The following RFTN1 variants were observed in gnomAD, a reference collection of about 807,000 sequenced individuals.
RFTN1 encodes the protein raftlin.
Under a neutral mutation model 46.5 loss-of-function variants are expected in RFTN1, and 26 were observed. The observed-to-expected ratio is 0.56, with a 90% CI of 0.41 to 0.78. The LOEUF (loss-of-function observed/expected upper bound fraction) is 0.78. Among genes scored for constraint, RFTN1 ranks in the 30% least tolerant of loss-of-function variants. RFTN1 has a pLI of 0.00. For missense variants in RFTN1, 693 were observed against 718.7 expected, an observed-to-expected ratio of 0.96 and a Z score of 0.41; for synonymous variants, 261 against 284.2, an observed-to-expected ratio of 0.92 and a Z score of 0.82.
At chr3:16,453,863 A>G (rs2075860075) in intron 2 of RFTN1, among the ~76,000 whole-genome samples, 1 of 152,272 alleles carries the variant, frequency 6.6e-6, no homozygotes. Flanking sequence ...AGTGTTATTC[A>G]AAGACATTTA....
In RFTN1 at chr3:16,353,422, G is replaced by C. The variant is rs2072224721; in HGVS notation, c.1146+4510C>G. 6.6e-6 allele frequency among the ~76,000 whole-genome samples: 1 copy of C among 152,208 alleles called. No homozygotes were observed. The highest frequency in any genetic ancestry group is 2.1e-4 in the South Asian group (1 of 4,836). The stretch of plus-strand genomic sequence containing the variant: ...GGGAACCTGTCCCGGACTGGACATT[G>C]CTGGGCTGTGCTGGTTACAGAGCTG... On this transcript the variant is annotated intron_variant, in intron 7 of 9. Transcript: ENST00000334133. The surrounding 1 kb of genome is among the most constrained non-coding windows in gnomAD (Gnocchi z 5.4).
intron 4 of RFTN1, among the ~76,000 whole-genome samples, chr3:16,378,885 C>T (rs1256832135): frequency 6.6e-6 from 1 of 152,194 alleles, no homozygotes. Flanking sequence ...TACCGAGGTA[C>T]TTGAACTTTC....
At position 16,475,056 on chromosome 3, in the gene RFTN1, G is replaced by C. The variant is rs541009285; in HGVS notation, c.145+18669C>G. Among the ~76,000 whole-genome samples, 15 of 152,298 alleles carry C rather than the reference G, an allele frequency of 9.8e-5. No homozygotes were observed. The South Asian group carries it at 3.1e-3, about 32-fold the overall frequency. Reference sequence around the variant, plus strand: ...GCTTGCTGTCCTCCTTCGAGGTAATGAGTGAGTTCACGTGAGAACTGGTTG... The same window carrying C: ...GCTTGCTGTCCTCCTTCGAGGTAATCAGTGAGTTCACGTGAGAACTGGTTG... On this transcript the variant is annotated intron_variant, in intron 2 of 9. Coordinates refer to ENST00000334133, the MANE Select transcript of RFTN1 (RefSeq NM_015150.2). This position sits in a 1 kb window ranked among gnomAD's most constrained non-coding sequence, Gnocchi z 4.2.
Position 16,474,468 on chromosome 3 carries a change from A to G in RFTN1, c.145+19257T>C, listed in dbSNP as rs1291511293. Reference sequence around the variant, plus strand: ...TTTGCCCTCCTCCCCCAAGATAAACAAAGGCTGACCATGAGAAAGATACCA... The same window carrying G: ...TTTGCCCTCCTCCCCCAAGATAAACGAAGGCTGACCATGAGAAAGATACCA... On this transcript the variant is annotated intron_variant, in intron 2 of 9. Transcript: ENST00000334133. The surrounding 1 kb of genome is among the most constrained non-coding windows in gnomAD (Gnocchi z 5.5). 6.6e-6 allele frequency among the ~76,000 whole-genome samples: 1 copy of G among 152,200 alleles called. No individual in the cohort carries two copies. Among genetic ancestry groups the G allele is most frequent in the African/African-American group, 2.4e-5 (1 of 41,452 alleles).
rs966856534 is a variant in RFTN1, at chr3:16,475,048, G to A, written c.145+18677C>T. 1.3e-5 allele frequency among the ~76,000 whole-genome samples: 2 copies of A among 152,166 alleles called. No individual in the cohort carries two copies. The highest frequency in any genetic ancestry group is 2.4e-5 in the African/African-American group (1 of 41,434). ...CACGAAAGGCTTGCTGTCCTCCTTCGAGGTAATGAGTGAGTTCACGTGAGA... is the reference window on the plus strand; with the variant it reads ...CACGAAAGGCTTGCTGTCCTCCTTCAAGGTAATGAGTGAGTTCACGTGAGA... On this transcript the variant is annotated intron_variant, in intron 2 of 9. Transcript: ENST00000334133. This position sits in a 1 kb window ranked among gnomAD's most constrained non-coding sequence, Gnocchi z 4.2.
Position 16,407,301 on chromosome 3 carries a change from G to A in RFTN1, c.441+2074C>T, listed in dbSNP as rs577875130. 2.5e-4 allele frequency among the ~76,000 whole-genome samples: 38 copies of A among 152,180 alleles called. No individual in the cohort carries two copies. In the South Asian group the frequency reaches 7.5e-3, roughly 30 times the overall value. On this transcript the variant is annotated intron_variant, in intron 4 of 9. Transcript: ENST00000334133. The surrounding 1 kb of genome is among the most constrained non-coding windows in gnomAD (Gnocchi z 4.0). Reference sequence around the variant, plus strand: ...GGGCTCAAGCAATTCTCTCGCCTCAGCCTCTAGAGTAGCTAGGACTATAGT... The same window carrying A: ...GGGCTCAAGCAATTCTCTCGCCTCAACCTCTAGAGTAGCTAGGACTATAGT...
intron 6 of RFTN1, among the ~76,000 whole-genome samples, chr3:16,363,789 GCTCT>G (rs75389216): frequency 0.039 from 5,942 of 152,036 alleles, 160 homozygotes; most frequent in Middle Eastern, 0.058. Context: ...GATCCTCTTG[GCTCT>G]CTGAGGGCGC....
In RFTN1 at chr3:16,402,491, G is replaced by C. The variant is rs1171573538; in HGVS notation, c.441+6884C>G. On this transcript the variant is annotated intron_variant, in intron 4 of 9. Coordinates refer to ENST00000334133, the MANE Select transcript of RFTN1 (RefSeq NM_015150.2). This position sits in a 1 kb window ranked among gnomAD's most constrained non-coding sequence, Gnocchi z 4.5. ...TCTCTTGGTTTGTGGGTGGGTTCTG[G>C]TGCAGCAAGCACAGGAGAGCCTTTT... Among the ~76,000 whole-genome samples the C allele has an allele frequency of 3.3e-5, 5 of 151,986 alleles. No homozygotes were observed. Among genetic ancestry groups the C allele is most frequent in the African/African-American group, 1.2e-4 (5 of 41,334 alleles).
intron 6 of RFTN1, among the ~76,000 whole-genome samples, chr3:16,359,048 A>AAAAAAAG (rs1559856824): frequency 6.7e-6 from 1 of 148,426 alleles, no homozygotes; most frequent in African/African-American, 2.5e-5. Context: ...AAAAAAAAAA[A>AAAAAAAG]AAAAGAAATA....
At chr3:16,437,410 G>T (rs2075536413) in intron 2 of RFTN1, among the ~76,000 whole-genome samples, 2 of 151,904 alleles carry the variant, frequency 1.3e-5, no homozygotes, top group African/African-American at 4.8e-5. Flanking sequence ...GGTTTGAAGG[G>T]CAATACCACC....
At chr3:16,492,841 T>TC (rs1233468594) in intron 2 of RFTN1, among the ~76,000 whole-genome samples, 1 of 151,968 alleles carries the variant, frequency 6.6e-6, no homozygotes, top group African/African-American at 2.4e-5. Flanking sequence ...GCTCACGACT[T>TC]CCCCCCCAAC....
At chr3:16,343,575 C>A (rs1334363283) in intron 7 of RFTN1, among the ~76,000 whole-genome samples, 2 of 152,188 alleles carry the variant, frequency 1.3e-5, no homozygotes, top group Non-Finnish European at 2.9e-5. Flanking sequence ...CATGGTGGAA[C>A]CTAAGACTCT....
rs1202448827 is a variant in RFTN1 at position 16,384,099 on chromosome 3, G to T, written c.442-5997C>A. Among the ~76,000 whole-genome samples, 1 of 152,230 alleles carries T rather than the reference G, an allele frequency of 6.6e-6. No homozygotes were observed. The highest frequency in any genetic ancestry group is 1.5e-5 in the Non-Finnish European group (1 of 68,044). On this transcript the variant is annotated intron_variant, in intron 4 of 9. Transcript: ENST00000334133. This position sits in a 1 kb window ranked among gnomAD's most constrained non-coding sequence, Gnocchi z 4.7. ...TGAAGGCTTTAAGAGCCAAGACTGA[G>T]ATTTCCCAAAGGAAAAAGAATTCTG...
chr3:16,433,826 A>AC lies in RFTN1; in HGVS notation c.332+24dup. 1 of 1,611,282 alleles carries AC rather than the reference A, an allele frequency of 6.2e-7. No homozygotes were observed. The highest frequency in any genetic ancestry group is 8.5e-7 in the Non-Finnish European group (1 of 1,177,596). ...CATAACTTAGCCGCAACAGGATGCTACCCATTCACCCGTGGAGGCCTTACC... is the reference window on the plus strand; with the variant it reads ...CATAACTTAGCCGCAACAGGATGCTACCCCATTCACCCGTGGAGGCCTTACC... On this transcript the variant is annotated intron_variant, in intron 3 of 9. Transcript: ENST00000334133. This position sits in a 1 kb window ranked among gnomAD's most constrained non-coding sequence, Gnocchi z 4.4.
In RFTN1 at chr3:16,451,671, T is replaced by A. The variant is rs551090695; in HGVS notation, c.146-17634A>T. Among the ~76,000 whole-genome samples, 7 of 151,382 alleles carry A rather than the reference T, an allele frequency of 4.6e-5. No homozygotes were observed. In the East Asian group the frequency reaches 1.2e-3, roughly 26 times the overall value. On this transcript the variant is annotated intron_variant, in intron 2 of 9. Coordinates refer to ENST00000334133, the MANE Select transcript of RFTN1 (RefSeq NM_015150.2). This position sits in a 1 kb window ranked among gnomAD's most constrained non-coding sequence, Gnocchi z 4.2. ...GCCTTTTTCATCTTCACTAAGCACA[T>A]GTCATGCACTGTGGCCATAACTTTT...
rs1351994709 is a variant in RFTN1 at position 16,443,239 on chromosome 3, T to C, written c.146-9202A>G. Among the ~76,000 whole-genome samples the C allele has an allele frequency of 6.6e-6, 1 of 152,240 alleles. No individual in the cohort carries two copies. Among genetic ancestry groups the C allele is most frequent in the East Asian group, 1.9e-4 (1 of 5,200 alleles). On this transcript the variant is annotated intron_variant, in intron 2 of 9. Coordinates refer to ENST00000334133, the MANE Select transcript of RFTN1 (RefSeq NM_015150.2). This position sits in a 1 kb window ranked among gnomAD's most constrained non-coding sequence, Gnocchi z 5.5. Reference sequence around the variant, plus strand: ...TTCACATCCTCACCAACACTTCTTATCTCTTGTATTTTTGATAGTAGCCAT... The same window carrying C: ...TTCACATCCTCACCAACACTTCTTACCTCTTGTATTTTTGATAGTAGCCAT...
At chr3:16,395,531 G>A (rs1430489086) in intron 4 of RFTN1, among the ~76,000 whole-genome samples, 5 of 151,514 alleles carry the variant, frequency 3.3e-5, no homozygotes, top group African/African-American at 7.3e-5. Flanking sequence ...CTGTAACTTC[G>A]AACTCCTGGA....
chr3:16,343,127 A>AAGCC (rs2071419926), intron 7 of RFTN1, among the ~76,000 whole-genome samples: 1 of 152,176 alleles, frequency 6.6e-6, no homozygotes, highest in African/African-American at 2.4e-5. Context: ...TTACAGGCAT[A>AAGCC]AGCCAGCCAG....
At chr3:16,454,385 A>T (rs574576797) in intron 2 of RFTN1, among the ~76,000 whole-genome samples, 1 of 152,284 alleles carries the variant, frequency 6.6e-6, no homozygotes, top group Non-Finnish European at 1.5e-5. Context: ...GAGTGTGTTT[A>T]CATTAGGAAT....
Sources: allele counts gnomAD v4.1 joint callset (sites outside exome capture counted in the v4.1 genomes callset), GRCh38; gene constraint gnomAD v4.1.1; non-coding constraint Gnocchi (gnomAD v3.1); transcripts MANE v1.5; gene names NCBI Gene and HGNC (gene_info 2026-07-23, HGNC 2026-07-21).